DOCK3: variants seen among roughly 807,000 people sequenced by gnomAD.
The protein encoded by DOCK3 is dedicator of cytokinesis 3.
DOCK3 carries 60 observed loss-of-function variants against 265.6 expected under a neutral mutation model. The observed-to-expected ratio is 0.23, with a 90% confidence interval of 0.18 to 0.28. The LOEUF (loss-of-function observed/expected upper bound fraction) is 0.28. DOCK3 is among the 10% of genes least tolerant of loss of function. The probability of loss-of-function intolerance (pLI) is 1.00; values close to 1 mark genes in which losing one functional copy is unlikely to be tolerated. For synonymous variants in DOCK3, 881 were observed against 938.0 expected (o/e 0.94, Z 1.11); for missense variants, 1,981 against 2,594.3 (o/e 0.76, Z 5.14).
intron 1 of DOCK3, among the ~76,000 whole-genome samples, chr3:50,687,756 A>C (rs1020740562): frequency 6.6e-6 from 1 of 152,240 alleles, no homozygotes; most frequent in Non-Finnish European, 1.5e-5. Flanking sequence ...CAGTCATGGC[A>C]GCCATTCCAT....
intron 4 of DOCK3, 78 bp from the exon 5 acceptor site, chr3:50,933,903 A>G (rs1202348055): frequency 5.5e-6 from 5 of 908,742 alleles, no homozygotes; most frequent in Non-Finnish European, 8.1e-6. Flanking sequence ...GAGTTAAACA[A>G]GTAGAAAAAG....
chr3:51,288,929 CAT>C (rs910689938), intron 27 of DOCK3, among the ~76,000 whole-genome samples: 7 of 148,876 alleles, frequency 4.7e-5, no homozygotes, highest in South Asian at 2.1e-4. Context: ...TGTGTGTGCC[CAT>C]GTGTGTGTAT....
intron 5 of DOCK3, among the ~76,000 whole-genome samples, chr3:51,018,371 G>GTGGATCAC (rs2079444305): frequency 6.6e-6 from 1 of 151,200 alleles, no homozygotes. Flanking sequence ...GCCCAGGCAG[G>GTGGATCAC]TGGATCACTT....
At chr3:51,213,141 T>C (rs2089605604) in intron 13 of DOCK3, among the ~76,000 whole-genome samples, 1 of 152,106 alleles carries the variant, frequency 6.6e-6, no homozygotes, top group Non-Finnish European at 1.5e-5. Context: ...TTCCAGCTAC[T>C]ACTCTTCTAA....
chr3:51,113,025 ATCT>A, intron 9 of DOCK3, among the ~76,000 whole-genome samples: 2 of 11,868 alleles, frequency 1.7e-4, no homozygotes, highest in Non-Finnish European at 1.0e-3. Context: ...TTGAGATTAT[ATCT>A]ATAATATTCT....
intron 3 of DOCK3, chr3:50,877,690 T>G (rs987242003): frequency 5.9e-5 from 21 of 357,126 alleles, no homozygotes; most frequent in Non-Finnish European, 9.1e-5. Flanking sequence ...CTTTTTCTTT[T>G]TTATGTTGGA....
intron 1 of DOCK3, among the ~76,000 whole-genome samples, chr3:50,719,267 T>TG (rs2037323990): frequency 2.8e-5 from 1 of 36,048 alleles, no homozygotes; most frequent in Non-Finnish European, 4.8e-5. Flanking sequence ...TTAGATATTT[T>TG]CTTTTTTTTT....
At chr3:50,783,756 TG>T (rs1411623261) in intron 2 of DOCK3, among the ~76,000 whole-genome samples, 2 of 152,186 alleles carry the variant, frequency 1.3e-5, no homozygotes, top group Non-Finnish European at 2.9e-5. Context: ...TTTGTGTTTT[TG>T]GTTATGAAGT....
intron 1 of DOCK3, among the ~76,000 whole-genome samples, chr3:50,757,044 G>C (rs984206006): frequency 1.3e-5 from 2 of 151,820 alleles, no homozygotes; most frequent in African/African-American, 4.8e-5. Flanking sequence ...ATAGAGACAG[G>C]GTTTTGCCAT....
In DOCK3 at chr3:51,129,633, C is replaced by T. The variant is rs117848365; in HGVS notation, c.747-16916C>T. Among the ~76,000 whole-genome samples the T allele has an allele frequency of 6.6e-3, 999 of 152,216 alleles. 29 individuals are homozygous for T. Among genetic ancestry groups the T allele is most frequent in the East Asian group, 0.056 (290 of 5,166 alleles). On this transcript the variant is annotated intron_variant, in intron 9 of 52. Transcript: ENST00000266037. ...CATGGTGACTTAACCCATAGTCAAA[C>T]GTTCAGTTTCCACCAAAGCCCAGTA...
At chr3:51,017,097 C>G (rs1401085722) in intron 5 of DOCK3, among the ~76,000 whole-genome samples, 1 of 148,644 alleles carries the variant, frequency 6.7e-6, no homozygotes, top group Non-Finnish European at 1.5e-5. Context: ...CTTCATGGTT[C>G]AATCTTTGTA....
intron 1 of DOCK3, among the ~76,000 whole-genome samples, chr3:50,678,974 T>C (rs1559504544): frequency 6.6e-6 from 1 of 152,236 alleles, no homozygotes; most frequent in East Asian, 1.9e-4. Flanking sequence ...CATGCCCGGC[T>C]AATTTTGTTT....
At chr3:51,365,251 G>A (rs144740705) in intron 49 of DOCK3, among the ~76,000 whole-genome samples, 5,938 of 152,240 alleles carry the variant, frequency 0.039, 407 homozygotes, top group African/African-American at 0.13. Context: ...TGAAGCAATC[G>A]TGAATGGGAG....
At chr3:51,084,812 A>G (rs776091466) in intron 7 of DOCK3, among the ~76,000 whole-genome samples, 1 of 152,230 alleles carries the variant, frequency 6.6e-6, no homozygotes, top group Non-Finnish European at 1.5e-5. Flanking sequence ...AAACAACAGG[A>G]GTGAGTCCTT....
intron 5 of DOCK3, among the ~76,000 whole-genome samples, chr3:51,054,863 T>C (rs925584949): frequency 3.9e-5 from 6 of 152,202 alleles, no homozygotes; most frequent in Non-Finnish European, 7.3e-5. Flanking sequence ...TTGTAAAATA[T>C]TAATTATTTT....
intron 1 of DOCK3, among the ~76,000 whole-genome samples, chr3:50,678,582 G>A (rs943111739): frequency 1.3e-5 from 2 of 152,118 alleles, no homozygotes; most frequent in Admixed American, 6.5e-5. Context: ...TTAGTTTGAC[G>A]TCTTAGAAGT....
rs184146974 is a variant in DOCK3, at chr3:51,318,478, C to T, written c.3402+3350C>T. ...TATTTAGGTGTTCTTTTATTTCTTTCATCAGTGTTTTGTATACAGATCTTA... is the reference window on the plus strand; with the variant it reads ...TATTTAGGTGTTCTTTTATTTCTTTTATCAGTGTTTTGTATACAGATCTTA... On this transcript the variant is annotated intron_variant, in intron 32 of 52. Coordinates refer to ENST00000266037, the MANE Select transcript of DOCK3 (RefSeq NM_004947.5). Among the ~76,000 whole-genome samples, 508 of 152,168 alleles carry T rather than the reference C, an allele frequency of 3.3e-3. 4 individuals are homozygous for T. The highest frequency in any genetic ancestry group is 3.4e-3 in the Middle Eastern group (1 of 294).
intron 1 of DOCK3, among the ~76,000 whole-genome samples, chr3:50,756,885 T>C (rs2040192016): frequency 6.6e-6 from 1 of 152,166 alleles, no homozygotes; most frequent in Non-Finnish European, 1.5e-5. Context: ...TTATCTTTTT[T>C]CTTTTTTGAG....
chr3:51,137,849 TAGAA>T (rs2084875337), intron 9 of DOCK3, among the ~76,000 whole-genome samples: 1 of 152,218 alleles, frequency 6.6e-6, no homozygotes. Context: ...GATAGTAACT[TAGAA>T]AGATGGTTTC....
Sources: gnomAD v4.1 joint callset for allele counts (sites outside exome capture counted in the v4.1 genomes callset) on GRCh38, gnomAD v4.1.1 for gene constraint, MANE v1.5 for transcripts, NCBI Gene and HGNC (gene_info 2026-07-23, HGNC 2026-07-21) for gene names.